The following SPON1 variants were observed in gnomAD, a reference collection of about 807,000 sequenced individuals.
The protein encoded by SPON1 is spondin 1.
A neutral mutation model predicts 111.7 loss-of-function variants in SPON1; 52 were observed. The observed-to-expected ratio is 0.47, with a 90% CI of 0.37 to 0.59. The LOEUF (loss-of-function observed/expected upper bound fraction) is 0.59. Among genes scored for constraint, SPON1 ranks in the 20% least tolerant of loss-of-function variants. SPON1 has a pLI of 0.00. For missense variants in SPON1, 957 were observed against 1,068.5 expected, an observed-to-expected ratio of 0.90 and a Z score of 1.46; for synonymous variants, 410 against 395.8, an observed-to-expected ratio of 1.04 and a Z score of -0.43.
rs782796630 is a variant in SPON1 at position 14,262,856 on chromosome 11, A to T, written c.2141A>T (p.Lys714Met). Residue 714 changes from lysine to methionine, a missense_variant, in exon 15 of 16, where the codon AAG becomes ATG. Physicochemically the swap from Lys to Met is moderately conservative, Grantham distance 95 (BLOSUM62 -1). Coordinates refer to ENST00000576479, the MANE Select transcript of SPON1 (RefSeq NM_006108.4). ...APCPETVQRK[K>M]CRIRKCLRNP... ...TGCCCAGAGACTGTGCAGCGAAAAAAGTGCCGCATCCGAAAATGCCTTCGA... is the reference window on the plus strand; with the variant it reads ...TGCCCAGAGACTGTGCAGCGAAAAATGTGCCGCATCCGAAAATGCCTTCGA... The T allele has an allele frequency of 1.1e-5, 18 of 1,613,902 alleles. No individual in the cohort carries two copies. The highest frequency in any genetic ancestry group is 1.5e-5 in the Non-Finnish European group (18 of 1,179,874).
At chr11:13,982,818 T>C (rs782795216) in intron 1 of SPON1, 29 bp from the exon 2 acceptor site, 2 of 1,465,790 alleles carry the variant, frequency 1.4e-6, no homozygotes, top group Non-Finnish European at 1.9e-6. Context: ...ATTCTTATAC[T>C]TAAAACCTGC....
In SPON1 at chr11:14,160,469, TTA is replaced by T. The variant is rs1273463768; in HGVS notation, c.825+24911_825+24912del. ...TATATATATATTTATATATATATAT[TTA>T]TATATATATTTATATATATATATTT... On this transcript the variant is annotated intron_variant, in intron 6 of 15. Transcript: ENST00000576479. 1.2e-4 allele frequency among the ~76,000 whole-genome samples: 2 copies of T among 16,502 alleles called. 1 individual carries two copies. The highest frequency in any genetic ancestry group is 4.0e-3 in the South Asian group (2 of 500). 10.8% of individuals were successfully genotyped at this position (16,502 alleles called of 152,430 possible).
chr11:14,135,315 G>C lies in SPON1; in HGVS notation c.677-105G>C, dbSNP rs1847578006. ...CTAAGACAGAATAGGTGCTTAGTCA[G>C]TGCTCTTTGAATCGATGTCCAATTA... On this transcript the variant is annotated intron_variant, in intron 5 of 15. Transcript: ENST00000576479. This position sits in a 1 kb window ranked among gnomAD's most constrained non-coding sequence, Gnocchi z 4.4. 1 of 1,303,094 alleles carries C rather than the reference G, an allele frequency of 7.7e-7. No homozygotes were observed. The highest frequency in any genetic ancestry group is 2.0e-5 in the Admixed American group (1 of 50,522). 80.7% of individuals were successfully genotyped at this position (1,303,094 alleles called of 1,614,324 possible). A position where few individuals can be genotyped will look rare whatever the true frequency, so the allele number is the denominator to read the frequency against.
intron 2 of SPON1, among the ~76,000 whole-genome samples, chr11:14,003,123 G>A (rs1848332451): frequency 6.6e-6 from 1 of 152,124 alleles, no homozygotes; most frequent in South Asian, 2.1e-4. Flanking sequence ...AGAGGGAGCT[G>A]ACCACTCCCT....
In SPON1 at chr11:14,178,334, A is replaced by C. The variant is rs1848201865; in HGVS notation, c.825+42766A>C. ...CTACTCGGGAGACTGAGGCAGGAGA[A>C]TGGCGTGAACACAGGAGGCAGAGCT... On this transcript the variant is annotated intron_variant, in intron 6 of 15. Transcript: ENST00000576479. Among the ~76,000 whole-genome samples the C allele has an allele frequency of 2.0e-5, 3 of 151,648 alleles. No individual in the cohort carries two copies. In the South Asian group the frequency reaches 6.3e-4, roughly 32 times the overall value.
chr11:14,252,427 G>A (rs1849062737), intron 7 of SPON1, among the ~76,000 whole-genome samples: 1 of 150,476 alleles, frequency 6.6e-6, no homozygotes, highest in Non-Finnish European at 1.5e-5. Context: ...CAAGACCTGC[G>A]CAGAGTGTGG....
chr11:14,081,818 C>T (rs1017635116), intron 5 of SPON1, among the ~76,000 whole-genome samples: 8 of 152,114 alleles, frequency 5.3e-5, no homozygotes, highest in African/African-American at 1.9e-4. Context: ...ATGATCCCCA[C>T]GCAGCCCACC....
At chr11:14,262,487 A>G in intron 14 of SPON1, 4 of 595,898 alleles carry the variant, frequency 6.7e-6, no homozygotes, top group Non-Finnish European at 1.2e-5. Context: ...TAGAGGGAGC[A>G]TAGAATGGGT....
At chr11:14,202,280 TC>T (rs1848472494) in intron 6 of SPON1, among the ~76,000 whole-genome samples, 1 of 152,202 alleles carries the variant, frequency 6.6e-6, no homozygotes, top group African/African-American at 2.4e-5. Context: ...GGTACGCATG[TC>T]AAGGGAGACG....
intron 6 of SPON1, among the ~76,000 whole-genome samples, chr11:14,157,457 A>C (rs192157355): frequency 3.8e-4 from 58 of 151,936 alleles, no homozygotes; most frequent in Admixed American, 9.8e-4. Context: ...AGCTGCTTTT[A>C]AGATTTTGTC....
Position 14,091,320 on chromosome 11 carries a change from A to T in SPON1, c.676+11299A>T, listed in dbSNP as rs535158680. 1.3e-4 allele frequency among the ~76,000 whole-genome samples: 20 copies of T among 151,044 alleles called. No individual in the cohort carries two copies. The South Asian group carries it at 4.0e-3, about 30-fold the overall frequency. ...GGAGCTGCCTGCCAGTCCCGTGCCG[A>T]GCGCTGGCATTCCTCAGCCCTTGGG... is the stretch of plus-strand genomic sequence containing the variant. On this transcript the variant is annotated intron_variant, in intron 5 of 15. Coordinates refer to ENST00000576479, the MANE Select transcript of SPON1 (RefSeq NM_006108.4).
At chr11:14,164,937 C>T (rs1848010777) in intron 6 of SPON1, among the ~76,000 whole-genome samples, 1 of 152,122 alleles carries the variant, frequency 6.6e-6, no homozygotes, top group Non-Finnish European at 1.5e-5. Context: ...GCTGGTCCAT[C>T]AAGTGCATGG....
intron 2 of SPON1, among the ~76,000 whole-genome samples, chr11:14,015,896 C>T (rs1452816756): frequency 6.6e-6 from 1 of 152,168 alleles, no homozygotes; most frequent in Non-Finnish European, 1.5e-5. Context: ...CTGACCGGCT[C>T]ATAGCAGGCT....
At chr11:13,971,926 C>T (rs1848066063) in intron 1 of SPON1, among the ~76,000 whole-genome samples, 1 of 152,170 alleles carries the variant, frequency 6.6e-6, no homozygotes, top group African/African-American at 2.4e-5. Flanking sequence ...CTTGCTTGTA[C>T]TTCTCTGCCA....
At chr11:13,978,340 A>C (rs903967391) in intron 1 of SPON1, among the ~76,000 whole-genome samples, 1 of 152,202 alleles carries the variant, frequency 6.6e-6, no homozygotes, top group Non-Finnish European at 1.5e-5. Context: ...ATTTGAGGAT[A>C]ATTGACATCT....
chr11:14,054,614 C>T (rs556392464), intron 3 of SPON1, among the ~76,000 whole-genome samples: 25 of 151,560 alleles, frequency 1.6e-4, no homozygotes, highest in Non-Finnish European at 2.9e-4. Flanking sequence ...GGTAATTACA[C>T]GCAGACTCTG....
intron 5 of SPON1, among the ~76,000 whole-genome samples, chr11:14,120,637 G>T (rs1274698900): frequency 6.6e-6 from 1 of 152,112 alleles, no homozygotes; most frequent in Non-Finnish European, 1.5e-5. Flanking sequence ...ACTTTAAAAT[G>T]CTTGCTGTCC....
intron 2 of SPON1, among the ~76,000 whole-genome samples, chr11:13,992,818 AC>A (rs782633988): frequency 6.7e-6 from 1 of 149,492 alleles, no homozygotes; most frequent in Non-Finnish European, 1.5e-5. Context: ...AAATTCCCTG[AC>A]CCCTTGCTCT....
At chr11:14,144,844 G>T (rs1847700328) in intron 6 of SPON1, among the ~76,000 whole-genome samples, 1 of 152,018 alleles carries the variant, frequency 6.6e-6, no homozygotes, top group Non-Finnish European at 1.5e-5. Context: ...CTTTTTCAAG[G>T]CTTCTGGGAG....
Sources: allele counts gnomAD v4.1 joint callset (sites outside exome capture counted in the v4.1 genomes callset), GRCh38; gene constraint gnomAD v4.1.1; non-coding constraint Gnocchi (gnomAD v3.1); transcripts MANE v1.5; gene names NCBI Gene and HGNC (gene_info 2026-07-23, HGNC 2026-07-21).